The following CDX2 variants were observed in gnomAD, a reference collection of about 807,000 sequenced individuals.
CDX2 encodes homeobox protein CDX-2.
In CDX2, 7 loss-of-function variants were observed where a neutral mutation model predicts 25.5. That is an observed-to-expected ratio of 0.27 (90% CI 0.16 to 0.52). The LOEUF (loss-of-function observed/expected upper bound fraction) is 0.52, where lower values mean the gene tolerates loss of function less well. Among genes scored for constraint, CDX2 ranks in the 20% least tolerant of loss-of-function variants. The pLI is 0.97. For missense variants in CDX2, 375 were observed against 431.4 expected (o/e 0.87, Z 1.16); for synonymous variants, 222 against 198.6 (o/e 1.12, Z -0.99).
At chr13:27,965,117 C>G in intron 1 of CDX2, 102 bp from the exon 2 acceptor site, 1 of 1,296,746 alleles carries the variant, frequency 7.7e-7, no homozygotes, top group Non-Finnish European at 1.1e-6. Flanking sequence ...CTTCCTCCAC[C>G]ACCCTGGGGG....
At chr13:27,965,942 C>T (rs1869297949) in intron 1 of CDX2, among the ~76,000 whole-genome samples, 1 of 152,176 alleles carries the variant, frequency 6.6e-6, no homozygotes, top group Non-Finnish European at 1.5e-5. Context: ...GTTCAATCGC[C>T]CAGTGCCCAA....
rs535489163 is a variant in CDX2, at chr13:27,964,171, G to A, written c.687+699C>T. 7.1e-4 allele frequency among the ~76,000 whole-genome samples: 108 copies of A among 152,062 alleles called. No individual in the cohort carries two copies. Among genetic ancestry groups the A allele is most frequent in the Non-Finnish European group, 1.4e-3 (95 of 67,998 alleles). ...TCTCAGCACTTTGGGAGGCCGAGGC[G>A]GGTGGATCACCTGAGGCCAGGAGTT... On this transcript the variant is annotated intron_variant, in intron 2 of 2. Coordinates refer to ENST00000381020, the MANE Select transcript of CDX2 (RefSeq NM_001265.6). This position sits in a 1 kb window ranked among gnomAD's most constrained non-coding sequence, Gnocchi z 4.7.
In CDX2 at chr13:27,964,372, C is replaced by T. The variant is rs950664434; in HGVS notation, c.687+498G>A. Among the ~76,000 whole-genome samples, 2 of 152,028 alleles carry T rather than the reference C, an allele frequency of 1.3e-5. No homozygotes were observed. The highest frequency in any genetic ancestry group is 2.4e-5 in the African/African-American group (1 of 41,364). ...TGAGACCGCGCCATTGCACTTCAGC[C>T]TGCACAACAAGAGTGAAACTGCGTT... is the stretch of plus-strand genomic sequence containing the variant. On this transcript the variant is annotated intron_variant, in intron 2 of 2. Coordinates refer to ENST00000381020, the MANE Select transcript of CDX2 (RefSeq NM_001265.6). The surrounding 1 kb of genome is among the most constrained non-coding windows in gnomAD (Gnocchi z 4.7).
chr13:27,962,969 C>T lies in CDX2; in HGVS notation c.*146G>A, dbSNP rs1294251305. The T allele has an allele frequency of 9.8e-7, 1 of 1,018,064 alleles. No individual in the cohort carries two copies. The highest frequency in any genetic ancestry group is 1.6e-5 in the African/African-American group (1 of 62,136). 63.1% of individuals were successfully genotyped at this position (1,018,064 alleles called of 1,614,324 possible). A position where few individuals can be genotyped will look rare whatever the true frequency, so the allele number is the denominator to read the frequency against. On this transcript the variant is annotated 3_prime_UTR_variant, in exon 3 of 3. Transcript: ENST00000381020. ...GCCCCAAATCCCACTTGTCTTACTC[C>T]TGGCTCCCATTTTTCCTCTGAGAGC...
rs1175903287 is a variant in CDX2 at position 27,961,013 on chromosome 13, C to G, written c.*2102G>C. On this transcript the variant is annotated 3_prime_UTR_variant, in exon 3 of 3. Transcript: ENST00000381020. The stretch of plus-strand genomic sequence containing the variant: ...CGGGCCTGTGGGCGCGGCCGGGGCG[C>G]GGGGAGACCTGCGGGGCACCGGGGC... 6.6e-6 allele frequency among the ~76,000 whole-genome samples: 1 copy of G among 152,110 alleles called. No individual in the cohort carries two copies. The highest frequency in any genetic ancestry group is 6.5e-5 in the Admixed American group (1 of 15,282).
chr13:27,966,090 TC>T (rs1869307143), intron 1 of CDX2, among the ~76,000 whole-genome samples: 2 of 151,704 alleles, frequency 1.3e-5, no homozygotes, highest in South Asian at 4.2e-4. Flanking sequence ...CAGAGGGAGC[TC>T]CCCCGAGCCG....
At position 27,966,736 on chromosome 13, in the gene CDX2, G is replaced by A. The variant is rs550171734; in HGVS notation, c.542-1721C>T. ...GAACCTAGGAGCGGGGCTATGGAGGGGAGGGATGAGAGGGACTTGTCAGAA... is the reference window on the plus strand; with the variant it reads ...GAACCTAGGAGCGGGGCTATGGAGGAGAGGGATGAGAGGGACTTGTCAGAA... On this transcript the variant is annotated intron_variant, in intron 1 of 2. Transcript: ENST00000381020. 1.9e-4 allele frequency among the ~76,000 whole-genome samples: 29 copies of A among 152,274 alleles called. No homozygotes were observed. The South Asian group carries it at 5.8e-3, about 30-fold the overall frequency.
rs1453334296 is a variant in CDX2, at chr13:27,964,440, T to C, written c.687+430A>G. On this transcript the variant is annotated intron_variant, in intron 2 of 2. Transcript: ENST00000381020. The surrounding 1 kb of genome is among the most constrained non-coding windows in gnomAD (Gnocchi z 4.7). ...GGGGGCATGTACTCCAGGCCAGGCA[T>C]GGTGGTTCACACCGGTAATCTCAGC... Among the ~76,000 whole-genome samples the C allele has an allele frequency of 2.0e-5, 3 of 152,058 alleles. No homozygotes were observed. Among genetic ancestry groups the C allele is most frequent in the Non-Finnish European group, 2.9e-5 (2 of 68,006 alleles).
chr13:27,963,619 G>A (rs960130410), intron 2 of CDX2, among the ~76,000 whole-genome samples: 4 of 152,168 alleles, frequency 2.6e-5, no homozygotes, highest in Middle Eastern at 3.4e-3. Flanking sequence ...TTTTATCTAC[G>A]TATTTACTGC....
In CDX2 at chr13:27,964,730, AAG is replaced by A; in HGVS notation, c.687+138_687+139del. ...GTTTAAAAAAAAAAAAAAAAAAAAA[AAG>A]GACTCCAAAGACGAATGCTTGCATC... On this transcript the variant is annotated intron_variant, in intron 2 of 2. Coordinates refer to ENST00000381020, the MANE Select transcript of CDX2 (RefSeq NM_001265.6). The surrounding 1 kb of genome is among the most constrained non-coding windows in gnomAD (Gnocchi z 4.7). The A allele has an allele frequency of 5.7e-6, 3 of 524,016 alleles. No individual in the cohort carries two copies. Among genetic ancestry groups the A allele is most frequent in the South Asian group, 2.5e-5 (1 of 39,766 alleles). 32.5% of individuals were successfully genotyped at this position (524,016 alleles called of 1,614,324 possible). A position where few individuals can be genotyped will look rare whatever the true frequency, so the allele number is the denominator to read the frequency against.
Position 27,962,854 on chromosome 13 carries a change from A to G in CDX2, c.*261T>C, listed in dbSNP as rs1013039480. 38 of 424,180 alleles carry G rather than the reference A, an allele frequency of 9.0e-5. No individual in the cohort carries two copies. Among genetic ancestry groups the G allele is most frequent in the African/African-American group, 7.2e-4 (37 of 51,470 alleles). 26.3% of individuals were successfully genotyped at this position (424,180 alleles called of 1,614,324 possible). On this transcript the variant is annotated 3_prime_UTR_variant, in exon 3 of 3. Coordinates refer to ENST00000381020, the MANE Select transcript of CDX2 (RefSeq NM_001265.6). Reference sequence around the variant, plus strand: ...CCAGGCAATGCTTCTGCCAGTCCGGAATGAAGCCCAGCGGAGGCTTTCTGT... The same window carrying G: ...CCAGGCAATGCTTCTGCCAGTCCGGGATGAAGCCCAGCGGAGGCTTTCTGT...
Position 27,969,291 on chromosome 13 carries a change from C to T in CDX2, c.-285G>A, listed in dbSNP as rs1021321679. The T allele has an allele frequency of 2.1e-6, 1 of 480,562 alleles. No homozygotes were observed. The highest frequency in any genetic ancestry group is 3.7e-6 in the Non-Finnish European group (1 of 271,714). 29.8% of individuals were successfully genotyped at this position (480,562 alleles called of 1,614,324 possible). ...CCCGCCACAGGCTGGCGTGCGGAGC[C>T]CCAGGCCGGCGGCCTTCCGTGATTA... is the stretch of plus-strand genomic sequence containing the variant. On this transcript the variant is annotated 5_prime_UTR_variant, in exon 1 of 3. Transcript: ENST00000381020.
At position 27,968,977 on chromosome 13, in the gene CDX2, G is replaced by C; in HGVS notation, c.30C>G (p.Asp10Glu). The change falls in exon 1 of 3, where the codon GAC becomes GAG. Residue 10 changes from aspartate to glutamate, a missense_variant. Physicochemically the swap from Asp to Glu is conservative, Grantham distance 45. This residue lies in a region of CDX2 where 253 missense variants were observed against 247.5 expected (regional missense o/e 1.02). Coordinates refer to ENST00000381020, the MANE Select transcript of CDX2 (RefSeq NM_001265.6). ...GCACGGAGCTAGGGTACATGCTCACGTCCTTGTCCAGGAGGTAGCTCACGT... is the reference window on the plus strand; with the variant it reads ...GCACGGAGCTAGGGTACATGCTCACCTCCTTGTCCAGGAGGTAGCTCACGT... MYVSYLLDK[D>E]VSMYPSSVRH... 6.2e-7 allele frequency: 1 copy of C among 1,603,084 alleles called. No individual in the cohort carries two copies. Among genetic ancestry groups the C allele is most frequent in the South Asian group, 1.1e-5 (1 of 90,862 alleles).
intron 1 of CDX2, 25 bp downstream of exon 1, chr13:27,968,441 C>G: frequency 6.7e-7 from 1 of 1,492,094 alleles, no homozygotes; most frequent in Non-Finnish European, 8.8e-7. Flanking sequence ...CAAGCACCCT[C>G]CGAAGGGGCG....
chr13:27,964,742 G>T lies in CDX2; in HGVS notation c.687+128C>A. 37 of 540,244 alleles carry T rather than the reference G, an allele frequency of 6.8e-5. No individual in the cohort carries two copies. Among genetic ancestry groups the T allele is most frequent in the Non-Finnish European group, 9.7e-5 (30 of 308,106 alleles). The allele number at this position is 540,244 out of a possible 1,614,324, so 33.5% of individuals were successfully genotyped here. On this transcript the variant is annotated intron_variant, in intron 2 of 2. Coordinates refer to ENST00000381020, the MANE Select transcript of CDX2 (RefSeq NM_001265.6). This position sits in a 1 kb window ranked among gnomAD's most constrained non-coding sequence, Gnocchi z 4.7. ...AAAAAAAAAAAAAAAGGACTCCAAAGACGAATGCTTGCATCCTCCTGCTTC... is the reference window on the plus strand; with the variant it reads ...AAAAAAAAAAAAAAAGGACTCCAAATACGAATGCTTGCATCCTCCTGCTTC...
chr13:27,963,556 A>T (rs956602774), intron 2 of CDX2, among the ~76,000 whole-genome samples, 187 bp from the exon 3 acceptor site: 2 of 152,216 alleles, frequency 1.3e-5, no homozygotes, highest in African/African-American at 4.8e-5. Context: ...ATTCAGCCTC[A>T]TGGGGAAGAG....
Position 27,962,264 on chromosome 13 carries a change from C to T in CDX2, c.*851G>A, listed in dbSNP as rs1346589307. On this transcript the variant is annotated 3_prime_UTR_variant, in exon 3 of 3. Coordinates refer to ENST00000381020, the MANE Select transcript of CDX2 (RefSeq NM_001265.6). ...ATCCAGAAGGCTTTAAAAACTCTGG[C>T]TTGGATGTTACACAGACCAACAACC... is the stretch of plus-strand genomic sequence containing the variant. The T allele has an allele frequency of 8.6e-6, 2 of 231,640 alleles. No homozygotes were observed. The highest frequency in any genetic ancestry group is 1.7e-5 in the Non-Finnish European group (2 of 116,958). The allele number at this position is 231,640 out of a possible 1,614,324, so 14.3% of individuals were successfully genotyped here. A position where few individuals can be genotyped will look rare whatever the true frequency, so the allele number is the denominator to read the frequency against.
chr13:27,968,816 G>T lies in CDX2; in HGVS notation c.191C>A (p.Ser64Tyr). ...TGGGGCGCCATACGCTGCCGGCCAGGATGGCCCCGGGGACTGCGCGCTGTC... is the reference window on the plus strand; with the variant it reads ...TGGGGCGCCATACGCTGCCGGCCAGTATGGCCCCGGGGACTGCGCGCTGTC... Reference protein sequence around the residue: ...NLDSAQSPGPSWPAAYGAPLR... With the variant: ...NLDSAQSPGPYWPAAYGAPLR... Residue 64 changes from serine (S) to tyrosine (Y), a missense_variant, in exon 1 of 3, where the codon TCC (serine) becomes TAC (tyrosine). Coordinates refer to ENST00000381020, the MANE Select transcript of CDX2 (RefSeq NM_001265.6). The T allele has an allele frequency of 6.4e-7, 1 of 1,553,238 alleles. No homozygotes were observed. Among genetic ancestry groups the T allele is most frequent in the Non-Finnish European group, 8.7e-7 (1 of 1,152,874 alleles).
chr13:27,968,402 A>C, intron 1 of CDX2, 64 bp downstream of exon 1: 2 of 1,401,188 alleles, frequency 1.4e-6, no homozygotes, highest in South Asian at 3.3e-5. Context: ...CGCGACGCGC[A>C]GCAGCCACTG....
Sources: allele counts gnomAD v4.1 joint callset (sites outside exome capture counted in the v4.1 genomes callset), GRCh38; gene constraint gnomAD v4.1.1; regional missense constraint gnomAD v4.1.1; non-coding constraint Gnocchi (gnomAD v3.1); transcripts MANE v1.5; gene names NCBI Gene and HGNC (gene_info 2026-07-23, HGNC 2026-07-21).